Variants in ADGRG3 observed in about 807,000 individuals in gnomAD.
The protein encoded by ADGRG3 is adhesion G protein-coupled receptor G3, also known as G protein-coupled receptor 97.
Under a neutral mutation model 54.3 loss-of-function variants are expected in ADGRG3, and 39 were observed. That is an observed-to-expected ratio of 0.72 (90% confidence interval 0.56 to 0.94). The LOEUF (loss-of-function observed/expected upper bound fraction) is 0.94, where lower values mean the gene tolerates loss of function less well. Ranked by LOEUF, ADGRG3 falls within the 40% of genes least tolerant of loss-of-function variation. The pLI, the probability that ADGRG3 is intolerant of heterozygous loss-of-function variation, is 0.00. For missense variants in ADGRG3, 654 were observed against 694.6 expected (o/e 0.94, Z 0.66); for synonymous variants, 312 against 290.0 (o/e 1.08, Z -0.77).
chr16:57,672,104 T>C (rs2048172204), intron 1 of ADGRG3, among the ~76,000 whole-genome samples: 1 of 152,040 alleles, frequency 6.6e-6, no homozygotes, highest in African/African-American at 2.4e-5. Flanking sequence ...CGATTGAGCC[T>C]GGGAGGTCTA....
chr16:57,667,017 C>T (rs2048073728), upstream of ADGRG3, among the ~76,000 whole-genome samples: 3 of 152,234 alleles, frequency 2.0e-5, no homozygotes, highest in African/African-American at 4.8e-5. Flanking sequence ...GCAGGCCCAG[C>T]CATTCATCTG....
chr16:57,683,306 A>G (rs1422204046), intron 8 of ADGRG3, among the ~76,000 whole-genome samples: 1 of 152,120 alleles, frequency 6.6e-6, no homozygotes, highest in African/African-American at 2.4e-5. Flanking sequence ...GGGCCCGTGT[A>G]CGTTTGTGTG....
At position 57,685,863 on chromosome 16, in the gene ADGRG3, G is replaced by A; in HGVS notation, c.1477G>A (p.Ala493Thr). Residue 493 changes from alanine to threonine, a missense_variant, in exon 11 of 12, where the codon GCC (alanine) becomes ACC (threonine). Coordinates refer to ENST00000333493, the MANE Select transcript of ADGRG3 (RefSeq NM_170776.5). The part of the protein sequence containing the change: ...SSLVGVTWGL[A>T]IFTPLGLSTV... ...CCTGGTGGGTGTGACATGGGGGTTG[G>A]CCATCTTCACCCCGTTGGGCCTCTC... 1 of 1,614,098 alleles carries A rather than the reference G, an allele frequency of 6.2e-7. No individual in the cohort carries two copies. The highest frequency in any genetic ancestry group is 8.5e-7 in the Non-Finnish European group (1 of 1,180,022).
chr16:57,688,566 T>C lies in ADGRG3; in HGVS notation c.*105T>C. ...CCTCAGTTTCCTTCTCTGTACAATGTGGCTGGGGAGGGAGAGGATGGGACC... is the reference window on the plus strand; with the variant it reads ...CCTCAGTTTCCTTCTCTGTACAATGCGGCTGGGGAGGGAGAGGATGGGACC... On this transcript the variant is annotated 3_prime_UTR_variant, in exon 12 of 12. Transcript: ENST00000333493. The C allele has an allele frequency of 1.3e-6, 1 of 772,474 alleles. No homozygotes were observed. Among genetic ancestry groups the C allele is most frequent in the Non-Finnish European group, 2.3e-6 (1 of 431,070 alleles). 47.9% of individuals were successfully genotyped at this position (772,474 alleles called of 1,614,324 possible).
chr16:57,674,530 C>T (rs2048222059), intron 2 of ADGRG3: 3 of 450,082 alleles, frequency 6.7e-6, no homozygotes, highest in South Asian at 1.6e-5. Context: ...GTTAGGACAG[C>T]CATCTCATTG....
intron 8 of ADGRG3, among the ~76,000 whole-genome samples, chr16:57,681,469 C>A (rs8061747): frequency 0.01 from 1,542 of 152,106 alleles, 28 homozygotes; most frequent in African/African-American, 0.035. Context: ...GCCTGTAATC[C>A]CAGCACTTTG....
At chr16:57,684,331 G>C (rs559735516) in intron 9 of ADGRG3, 59 bp from the exon 10 acceptor site, 3 of 1,566,954 alleles carry the variant, frequency 1.9e-6, no homozygotes, top group South Asian at 1.1e-5. Context: ...TGGAGGGGAC[G>C]TGGAGGAGGA....
intron 1 of ADGRG3, among the ~76,000 whole-genome samples, chr16:57,669,278 A>C (rs1376151223): frequency 6.6e-6 from 1 of 152,230 alleles, no homozygotes; most frequent in African/African-American, 2.4e-5. Context: ...CACATAGATC[A>C]ACTTATTTGG....
chr16:57,672,337 G>A (rs1229352757), intron 1 of ADGRG3, among the ~76,000 whole-genome samples: 1 of 152,168 alleles, frequency 6.6e-6, no homozygotes, highest in Non-Finnish European at 1.5e-5. Flanking sequence ...ACCAGCCTGG[G>A]CAACATAGTG....
At chr16:57,673,246 G>A in intron 1 of ADGRG3, 75 bp from the exon 2 acceptor site, 1 of 1,439,678 alleles carries the variant, frequency 6.9e-7, no homozygotes, top group Non-Finnish European at 9.6e-7. Context: ...TGGAGCCCCA[G>A]CTCCTTTCCC....
At chr16:57,679,653 A>C in intron 5 of ADGRG3, 163 bp from the exon 6 acceptor site, 1 of 707,022 alleles carries the variant, frequency 1.4e-6, no homozygotes, top group South Asian at 1.6e-5. Flanking sequence ...GGCTCATCAA[A>C]TGGTGCACTT....
intron 2 of ADGRG3, among the ~76,000 whole-genome samples, chr16:57,673,874 T>C (rs1303970411): frequency 1.3e-4 from 19 of 151,972 alleles, no homozygotes; most frequent in African/African-American, 4.1e-4. Flanking sequence ...ATCTAAACAA[T>C]GGTGAGGATA....
intron 3 of ADGRG3, among the ~76,000 whole-genome samples, chr16:57,677,242 G>A (rs1417430405): frequency 6.6e-6 from 1 of 152,202 alleles, no homozygotes; most frequent in Non-Finnish European, 1.5e-5. Flanking sequence ...CCCTGGGTGG[G>A]TCAGGCTGTA....
rs556574292 is a variant in ADGRG3 at position 57,679,178 on chromosome 16, G to A, written c.494G>A (p.Gly165Asp). Residue 165 changes from glycine (G) to aspartate (D), a missense_variant and splice_region_variant, in exon 5 of 12, where the codon GGC becomes GAC. By Grantham distance (94) the Gly-to-Asp change is moderately conservative. Transcript: ENST00000333493. ...CCTCCCCGATCTCCCCTTTCACAGG[G>A]CCCCCGGCTCGGCCTGGGAGATGGC... The part of the protein sequence containing the change: ...LDIGPGTLFK[G>D]PRLGLGDGSG... 2.3e-4 allele frequency: 377 copies of A among 1,613,648 alleles called. 4 individuals carry two copies. The South Asian group carries it at 3.9e-3, about 17-fold the overall frequency.
intron 1 of ADGRG3, among the ~76,000 whole-genome samples, chr16:57,671,991 T>C (rs2048169908): frequency 6.7e-6 from 1 of 150,194 alleles, no homozygotes; most frequent in Admixed American, 6.6e-5. Flanking sequence ...AAACCCTGTC[T>C]CTAAAAAAAT....
chr16:57,687,326 C>G (rs542685989), intron 11 of ADGRG3, among the ~76,000 whole-genome samples: 50 of 152,062 alleles, frequency 3.3e-4, no homozygotes, highest in South Asian at 6.2e-4. Context: ...TCTCAGCTCA[C>G]TGCGACCTCC....
chr16:57,683,115 G>A (rs1239067614), intron 8 of ADGRG3, among the ~76,000 whole-genome samples: 2 of 152,244 alleles, frequency 1.3e-5, no homozygotes, highest in Non-Finnish European at 2.9e-5. Flanking sequence ...GGTGGGAGGA[G>A]CTGGGGAGCA....
intron 2 of ADGRG3, among the ~76,000 whole-genome samples, chr16:57,674,995 CA>C (rs34536208): frequency 3.2e-3 from 155 of 48,930 alleles, no homozygotes; most frequent in Middle Eastern, 0.015. Context: ...GACTCCATCT[CA>C]AAAAAAAAAA....
At chr16:57,682,299 G>T (rs2048387957) in intron 8 of ADGRG3, among the ~76,000 whole-genome samples, 1 of 152,178 alleles carries the variant, frequency 6.6e-6, no homozygotes, top group Non-Finnish European at 1.5e-5. Flanking sequence ...CCTCCTGGGG[G>T]TCCCTGGGGG....
Sources: gnomAD v4.1 joint callset for allele counts (sites outside exome capture counted in the v4.1 genomes callset) on GRCh38, gnomAD v4.1.1 for gene constraint, MANE v1.5 for transcripts, NCBI Gene and HGNC (gene_info 2026-07-23, HGNC 2026-07-21) for gene names.